NXPH2: variants seen among roughly 807,000 people sequenced by gnomAD.
NXPH2 encodes the protein neurexophilin 2, also known as neurexophilin-2.
Under a neutral mutation model 19.8 loss-of-function variants are expected in NXPH2, and 5 were observed. That is an observed-to-expected ratio of 0.25 (90% CI 0.13 to 0.53). The LOEUF is 0.53. Ranked by LOEUF, NXPH2 falls within the 20% of genes least tolerant of loss-of-function variation. The probability of loss-of-function intolerance (pLI) is 0.96; values close to 1 mark genes in which losing one functional copy is unlikely to be tolerated. For synonymous variants in NXPH2, 154 were observed against 127.4 expected (o/e 1.21, Z -1.41); for missense variants, 289 against 322.8 (o/e 0.90, Z 0.80).
At chr2:138,778,734 T>A (rs1303129201) in intron 1 of NXPH2, among the ~76,000 whole-genome samples, 6 of 152,214 alleles carry the variant, frequency 3.9e-5, no homozygotes, top group Admixed American at 2.6e-4. Context: ...GACTAAAAAA[T>A]TTTAAAGCAA....
intron 1 of NXPH2, among the ~76,000 whole-genome samples, chr2:138,698,857 A>G (rs1232956075): frequency 6.6e-6 from 1 of 152,196 alleles, no homozygotes; most frequent in Non-Finnish European, 1.5e-5. Context: ...GCATCTCTAA[A>G]GTAAATAAAG....
At chr2:138,768,670 A>G (rs1219889032) in intron 1 of NXPH2, among the ~76,000 whole-genome samples, 1 of 152,246 alleles carries the variant, frequency 6.6e-6, no homozygotes, top group African/African-American at 2.4e-5. Flanking sequence ...CCCCATTTTA[A>G]TAATTTCTTC....
intron 1 of NXPH2, among the ~76,000 whole-genome samples, chr2:138,716,660 T>A (rs1681199395): frequency 6.6e-6 from 1 of 152,214 alleles, no homozygotes; most frequent in South Asian, 2.1e-4. Flanking sequence ...ATCCCTGTTA[T>A]CCTGAGTAGC....
At chr2:138,685,013 T>G (rs1264375877) in intron 1 of NXPH2, among the ~76,000 whole-genome samples, 1 of 152,216 alleles carries the variant, frequency 6.6e-6, no homozygotes, top group Non-Finnish European at 1.5e-5. Flanking sequence ...GATGACAGAT[T>G]GCATCCATGT....
At chr2:138,760,492 G>T (rs1355348384) in intron 1 of NXPH2, among the ~76,000 whole-genome samples, 2 of 152,166 alleles carry the variant, frequency 1.3e-5, no homozygotes, top group Non-Finnish European at 2.9e-5. Context: ...CTGCTTTGGA[G>T]CAAAAATGCT....
At chr2:138,759,976 G>A (rs960180856) in intron 1 of NXPH2, among the ~76,000 whole-genome samples, 17 of 151,978 alleles carry the variant, frequency 1.1e-4, no homozygotes, top group Non-Finnish European at 2.9e-5. Context: ...TGATCCGCCC[G>A]CCTCGGCCTC....
chr2:138,763,156 G>A (rs1338195395), intron 1 of NXPH2, among the ~76,000 whole-genome samples: 1 of 152,132 alleles, frequency 6.6e-6, no homozygotes, highest in African/African-American at 2.4e-5. Flanking sequence ...AGTGTCCTTA[G>A]CATATAAATA....
In NXPH2 at chr2:138,678,981, C is replaced by G. The variant is rs193006327; in HGVS notation, c.52-7316G>C. On this transcript the variant is annotated intron_variant, in intron 1 of 1. Coordinates refer to ENST00000272641, the MANE Select transcript of NXPH2 (RefSeq NM_007226.3). Reference sequence around the variant, plus strand: ...GCTCTGGGTGGTGCAGGGACACAAACGCTACTTGGTTTCCTCTGGGTTCTA... The same window carrying G: ...GCTCTGGGTGGTGCAGGGACACAAAGGCTACTTGGTTTCCTCTGGGTTCTA... 2.4e-3 allele frequency among the ~76,000 whole-genome samples: 365 copies of G among 152,188 alleles called. 1 individual carries two copies. The highest frequency in any genetic ancestry group is 4.3e-3 in the Non-Finnish European group (294 of 68,012).
chr2:138,739,006 T>C (rs1022009127), intron 1 of NXPH2, among the ~76,000 whole-genome samples: 2 of 152,066 alleles, frequency 1.3e-5, no homozygotes. Flanking sequence ...GGAAACAGAG[T>C]TATTTTTTTT....
chr2:138,693,163 C>A (rs1381259216), intron 1 of NXPH2, among the ~76,000 whole-genome samples: 1 of 152,088 alleles, frequency 6.6e-6, no homozygotes, highest in African/African-American at 2.4e-5. Context: ...ATAACTGAAA[C>A]ACTTAGGAGT....
At chr2:138,702,508 G>A (rs180958937) in intron 1 of NXPH2, among the ~76,000 whole-genome samples, 205 of 152,164 alleles carry the variant, frequency 1.3e-3, no homozygotes, top group East Asian at 0.01. Flanking sequence ...TCACCTCATG[G>A]CTTCCACCCC....
intron 1 of NXPH2, among the ~76,000 whole-genome samples, chr2:138,695,876 A>G (rs1680821873): frequency 6.6e-6 from 1 of 152,172 alleles, no homozygotes; most frequent in Non-Finnish European, 1.5e-5. Flanking sequence ...AAGGACAGGC[A>G]TAGTGGCTCA....
intron 1 of NXPH2, among the ~76,000 whole-genome samples, chr2:138,701,962 G>C (rs575494113): frequency 1.3e-5 from 2 of 152,142 alleles, no homozygotes; most frequent in Admixed American, 6.5e-5. Context: ...TCATAGGAGA[G>C]GTCGGTTACT....
chr2:138,741,108 A>T (rs1323815805), intron 1 of NXPH2, among the ~76,000 whole-genome samples: 1 of 152,110 alleles, frequency 6.6e-6, no homozygotes, highest in African/African-American at 2.4e-5. Flanking sequence ...TATAACAGAA[A>T]TTCCACTTAA....
At chr2:138,693,369 G>A (rs1326164940) in intron 1 of NXPH2, among the ~76,000 whole-genome samples, 1 of 152,096 alleles carries the variant, frequency 6.6e-6, no homozygotes, top group Non-Finnish European at 1.5e-5. Context: ...GGCTGGTTTG[G>A]GTATGGAAAA....
intron 1 of NXPH2, among the ~76,000 whole-genome samples, chr2:138,777,831 T>TTA (rs1248413796): frequency 2.2e-5 from 2 of 92,948 alleles, no homozygotes; most frequent in African/African-American, 4.1e-5. Flanking sequence ...ACCAAAAAAT[T>TTA]AAAAAAAAAA....
At chr2:138,739,007 TA>T (rs968833378) in intron 1 of NXPH2, among the ~76,000 whole-genome samples, 10 of 152,178 alleles carry the variant, frequency 6.6e-5, no homozygotes, top group South Asian at 2.1e-4. Flanking sequence ...GAAACAGAGT[TA>T]TTTTTTTTTG....
chr2:138,751,544 T>G (rs1487682018), intron 1 of NXPH2, among the ~76,000 whole-genome samples: 2 of 152,142 alleles, frequency 1.3e-5, no homozygotes, highest in Admixed American at 1.3e-4. Flanking sequence ...ATTTTTTCCT[T>G]TTACCTCCTT....
At chr2:138,674,342 C>T (rs554813998) in intron 1 of NXPH2, among the ~76,000 whole-genome samples, 25 of 152,076 alleles carry the variant, frequency 1.6e-4, no homozygotes, top group Non-Finnish European at 3.4e-4. Flanking sequence ...TTAGTGGAGA[C>T]AGGGTCTCAC....
Sources: gnomAD v4.1 joint callset for allele counts (sites outside exome capture counted in the v4.1 genomes callset) on GRCh38, gnomAD v4.1.1 for gene constraint, MANE v1.5 for transcripts, NCBI Gene and HGNC (gene_info 2026-07-23, HGNC 2026-07-21) for gene names.